Variants in ERCC6L2 observed in about 807,000 individuals in gnomAD.
ERCC6L2 encodes the protein DNA excision repair protein ERCC-6-like 2.
In ERCC6L2, 77 loss-of-function variants were observed where a neutral mutation model predicts 132.0. That is an observed-to-expected ratio of 0.58 (90% CI 0.49 to 0.71). ERCC6L2 has a LOEUF of 0.71. Among genes scored for constraint, ERCC6L2 ranks in the 30% least tolerant of loss-of-function variants. The pLI is 0.00. For missense variants in ERCC6L2, 1,542 were observed against 1,837.6 expected (o/e 0.84, Z 2.94); for synonymous variants, 583 against 632.4 (o/e 0.92, Z 1.17).
chr9:95,922,348 A>T lies in ERCC6L2; in HGVS notation c.1343A>T (p.Tyr448Phe). ...ACAGTGAAAACCTTGTATCTCAGTT[A>T]CCTTACAGTCCTTCAGAAGGTAGCT... The part of the protein sequence containing the change: ...GETVKTLYLS[Y>F]LTVLQKVANH... The change falls in exon 8 of 19, where the codon TAC (tyrosine) becomes TTC (phenylalanine). Residue 448 changes from tyrosine to phenylalanine, a missense_variant. By Grantham distance (22) the Tyr-to-Phe change is conservative. Coordinates refer to ENST00000653738, the MANE Select transcript of ERCC6L2 (RefSeq NM_020207.7). The T allele has an allele frequency of 6.2e-7, 1 of 1,613,370 alleles. No individual in the cohort carries two copies. The highest frequency in any genetic ancestry group is 8.5e-7 in the Non-Finnish European group (1 of 1,179,512).
chr9:95,955,279 C>T (rs1831543436), intron 12 of ERCC6L2, among the ~76,000 whole-genome samples: 1 of 152,154 alleles, frequency 6.6e-6, no homozygotes, highest in African/African-American at 2.4e-5. Flanking sequence ...ATAGACTTTA[C>T]AGTTGATTAA....
At chr9:95,990,478 G>A (rs907274888) in intron 17 of ERCC6L2, among the ~76,000 whole-genome samples, 2 of 152,178 alleles carry the variant, frequency 1.3e-5, no homozygotes, top group African/African-American at 4.8e-5. Flanking sequence ...AAGCCATGTT[G>A]GGGAGCCTGC....
intron 17 of ERCC6L2, among the ~76,000 whole-genome samples, chr9:95,995,572 T>G (rs1171209684): frequency 6.6e-6 from 1 of 152,198 alleles, no homozygotes; most frequent in East Asian, 1.9e-4. Flanking sequence ...GTGTACTTCA[T>G]TTGATTGCAC....
Position 96,027,108 on chromosome 9 carries a change from TACACACACC to T in ERCC6L2, c.*1504-11751_*1504-11743del, listed in dbSNP as rs758733579. 4.3e-3 allele frequency among the ~76,000 whole-genome samples: 245 copies of T among 57,562 alleles called. 1 individual carries two copies. Among genetic ancestry groups the T allele is most frequent in the Non-Finnish European group, 4.6e-3 (127 of 27,384 alleles). 37.8% of individuals were successfully genotyped at this position (57,562 alleles called of 152,430 possible). A position where few individuals can be genotyped will look rare whatever the true frequency, so the allele number is the denominator to read the frequency against. ...CACACATACCCACCACCCCACACAC[TACACACACC>T]ACACACACCACACACAACACACTAC... is the stretch of plus-strand genomic sequence containing the variant. On this transcript the variant is annotated intron_variant and NMD_transcript_variant, in intron 19 of 20. Transcript: ENST00000670016.
At chr9:95,897,725 T>C in intron 2 of ERCC6L2, 124 bp from the exon 3 acceptor site, 12 of 994,554 alleles carry the variant, frequency 1.2e-5, no homozygotes, top group Non-Finnish European at 1.8e-5. Context: ...TATTTCATGT[T>C]CTATTTCCCC....
At position 95,941,552 on chromosome 9, in the gene ERCC6L2, A is replaced by G; in HGVS notation, c.1847+3A>G. 1 of 1,595,342 alleles carries G rather than the reference A, an allele frequency of 6.3e-7. No homozygotes were observed. The highest frequency in any genetic ancestry group is 1.1e-5 in the South Asian group (1 of 89,682). ...AATGATCTTCAAGCCATTGACAGGT[A>G]TAATACTGACAAAATTTAAAGTGAT... On this transcript the variant is annotated splice_donor_region_variant and intron_variant, in intron 12 of 18. Transcript: ENST00000653738.
At chr9:95,936,988 G>T (rs1830584410) in intron 11 of ERCC6L2, among the ~76,000 whole-genome samples, 1 of 152,086 alleles carries the variant, frequency 6.6e-6, no homozygotes, top group African/African-American at 2.4e-5. Flanking sequence ...TAGTATTCAT[G>T]ATATGGATAC....
intron 8 of ERCC6L2, 130 bp from the exon 9 acceptor site, chr9:95,923,130 C>G (rs1415272825): frequency 9.1e-6 from 10 of 1,100,314 alleles, no homozygotes; most frequent in African/African-American, 4.8e-5. Context: ...CTTAGTCTGA[C>G]TTAGGGAAGC....
In ERCC6L2 at chr9:96,013,893, T is replaced by C. The variant is rs1834117589; in HGVS notation, c.*690T>C. ...GATACCAGTGCCTCAACTTTTTATG[T>C]ACCTATTGTGATTTAATGTAAATAA... On this transcript the variant is annotated 3_prime_UTR_variant, in exon 19 of 19. Transcript: ENST00000653738. 1 of 152,238 alleles carries C rather than the reference T, an allele frequency of 6.6e-6. No individual in the cohort carries two copies. Among genetic ancestry groups the C allele is most frequent in the Non-Finnish European group, 1.5e-5 (1 of 68,028 alleles). The allele number at this position is 152,238 out of a possible 1,614,324, so 9.4% of individuals were successfully genotyped here.
chr9:95,921,643 C>G (rs547302937), intron 7 of ERCC6L2, among the ~76,000 whole-genome samples: 2 of 152,038 alleles, frequency 1.3e-5, no homozygotes, highest in African/African-American at 4.8e-5. Context: ...TAATAGTAAA[C>G]GAACATACTC....
intron 2 of ERCC6L2, among the ~76,000 whole-genome samples, chr9:95,897,034 CAT>C (rs910888633): frequency 4.0e-5 from 6 of 151,608 alleles, no homozygotes; most frequent in African/African-American, 1.5e-4. Flanking sequence ...CTAATTCTCA[CAT>C]AGTTTTTTGT....
At chr9:95,906,959 G>C (rs1286755661) in intron 3 of ERCC6L2, 119 bp from the exon 4 acceptor site, 1 of 678,922 alleles carries the variant, frequency 1.5e-6, no homozygotes, top group Non-Finnish European at 2.5e-6. Flanking sequence ...TGTATTTATT[G>C]TTACTAACTA....
chr9:95,985,645 G>T (rs1833067124), intron 17 of ERCC6L2, among the ~76,000 whole-genome samples: 1 of 152,178 alleles, frequency 6.6e-6, no homozygotes, highest in African/African-American at 2.4e-5. Context: ...GAGTCATTGT[G>T]TGGCTTCCAG....
chr9:95,894,122 T>C (rs1347705390), intron 2 of ERCC6L2, among the ~76,000 whole-genome samples: 1 of 152,202 alleles, frequency 6.6e-6, no homozygotes, highest in Non-Finnish European at 1.5e-5. Context: ...AGCATATAGT[T>C]GGGCAGAATC....
chr9:96,028,160 CAG>C (rs1405748599), intron 19 of ERCC6L2, among the ~76,000 whole-genome samples: 2 of 151,990 alleles, frequency 1.3e-5, no homozygotes, highest in East Asian at 1.9e-4. Context: ...CATCTGTTTT[CAG>C]AGTTTCCTAT....
At chr9:95,909,912 C>G (rs1448734383) in intron 4 of ERCC6L2, among the ~76,000 whole-genome samples, 1 of 152,192 alleles carries the variant, frequency 6.6e-6, no homozygotes, top group Non-Finnish European at 1.5e-5. Flanking sequence ...TGTGAGAGTT[C>G]AGTTGCTTCG....
At chr9:95,928,056 G>A in intron 9 of ERCC6L2, 23 bp from the exon 10 acceptor site, 1 of 1,584,682 alleles carries the variant, frequency 6.3e-7, no homozygotes, top group East Asian at 2.2e-5. Context: ...CTGGTTCACT[G>A]ATTTTCTGTG....
chr9:96,038,919 G>A (rs1294309093), exon 20 of ERCC6L2: 1 of 456,308 alleles, frequency 2.2e-6, no homozygotes, highest in Admixed American at 2.3e-5. Context: ...GAAGCCAGCA[G>A]CCATGTCATA....
rs1421289782 is a variant in ERCC6L2, at chr9:95,984,289, TTA to T, written c.3492+6078_3492+6079del. On this transcript the variant is annotated intron_variant, in intron 17 of 18. Coordinates refer to ENST00000653738, the MANE Select transcript of ERCC6L2 (RefSeq NM_020207.7). Reference sequence around the variant, plus strand: ...GTATGTTATGTATATGATATACATGTTATATGTTATATATGTATAAATATATA... The same window carrying T: ...GTATGTTATGTATATGATATACATGTTATGTTATATATGTATAAATATATA... Among the ~76,000 whole-genome samples, 4 of 149,288 alleles carry T rather than the reference TTA, an allele frequency of 2.7e-5. No individual in the cohort carries two copies. The East Asian group carries it at 5.8e-4, about 22-fold the overall frequency.
Sources: gnomAD v4.1 joint callset for allele counts (sites outside exome capture counted in the v4.1 genomes callset) on GRCh38, gnomAD v4.1.1 for gene constraint, MANE v1.5 for transcripts, NCBI Gene and HGNC (gene_info 2026-07-23, HGNC 2026-07-21) for gene names.